The following ACAD9 variants were observed in gnomAD, a reference collection of about 807,000 sequenced individuals.
ACAD9 encodes the protein acyl-CoA dehydrogenase family member 9, also known as complex I assembly factor ACAD9, mitochondrial.
In ACAD9, 53 loss-of-function variants were observed where a neutral mutation model predicts 70.2. The ratio of observed to expected loss-of-function variants is 0.75; its 90% CI spans 0.61 to 0.95. The LOEUF (loss-of-function observed/expected upper bound fraction) is 0.95, where lower values mean the gene tolerates loss of function less well. Ranked by LOEUF, ACAD9 falls within the 40% of genes least tolerant of loss-of-function variation. The pLI is 0.00. For synonymous variants in ACAD9, 313 were observed against 312.1 expected, an observed-to-expected ratio of 1.00 and a Z score of -0.03; for missense variants, 777 against 802.8, an observed-to-expected ratio of 0.97 and a Z score of 0.39.
At chr3:128,908,445 G>C (rs1019224406) in intron 13 of ACAD9, 181 bp downstream of exon 13, 1 of 709,062 alleles carries the variant, frequency 1.4e-6, no homozygotes, top group African/African-American at 1.7e-5. Context: ...GGAAGCCCTC[G>C]CTGCCCTGCC....
At chr3:128,897,576 A>G in intron 5 of ACAD9, 56 bp from the exon 6 acceptor site, 1 of 1,540,008 alleles carries the variant, frequency 6.5e-7, no homozygotes, top group South Asian at 1.2e-5. Flanking sequence ...GGCCCTCAAA[A>G]GCATTCATAT....
At chr3:128,911,440 CTCTTT>C (rs900191821) in intron 17 of ACAD9, among the ~76,000 whole-genome samples, 69 of 152,028 alleles carry the variant, frequency 4.5e-4, no homozygotes, top group African/African-American at 1.6e-3. Context: ...TGGCTGTATT[CTCTTT>C]TTTTTGGAGA....
rs767620895 is a variant in ACAD9 at position 128,908,944 on chromosome 3, C to G, written c.1359-29C>G. On this transcript the variant is annotated intron_variant, in intron 13 of 17. Transcript: ENST00000308982. ...ACAGTGAGCGCCAGCAGCGAGGCCT[C>G]CAGTCACAGGACCATGGACTTTCTG... 32 of 1,613,980 alleles carry G rather than the reference C, an allele frequency of 2.0e-5. No individual in the cohort carries two copies. In the East Asian group the frequency reaches 6.7e-4, roughly 34 times the overall value.
rs961741606 is a variant in ACAD9, at chr3:128,902,858, T to C, written c.958+230T>C. On this transcript the variant is annotated intron_variant, in intron 9 of 17. Transcript: ENST00000308982. The surrounding 1 kb of genome is among the most constrained non-coding windows in gnomAD (Gnocchi z 4.0). ...TCACCTCCACCCGGGTGATGCTGAC[T>C]GGGGGACAGGCTTTCTGTCTGGGGT... Among the ~76,000 whole-genome samples, 1 of 151,904 alleles carries C rather than the reference T, an allele frequency of 6.6e-6. No homozygotes were observed. The highest frequency in any genetic ancestry group is 1.5e-5 in the Non-Finnish European group (1 of 67,958).
chr3:128,904,114 T>G lies in ACAD9; in HGVS notation c.1011T>G (p.Ser337Arg). The change falls in exon 10 of 18, where the codon AGT becomes AGG. Residue 337 changes from serine to arginine, a missense_variant. Coordinates refer to ENST00000308982, the MANE Select transcript of ACAD9 (RefSeq NM_014049.5). Reference sequence around the variant, plus strand: ...GGAAACAGTTTAACAAGAGGCTCAGTGAATTTGGATTGATTCAGGTACCAA... The same window carrying G: ...GGAAACAGTTTAACAAGAGGCTCAGGGAATTTGGATTGATTCAGGTACCAA... ...CTRKQFNKRL[S>R]EFGLIQEKFA... The G allele has an allele frequency of 1.2e-6, 2 of 1,614,230 alleles. No homozygotes were observed. Among genetic ancestry groups the G allele is most frequent in the Non-Finnish European group, 1.7e-6 (2 of 1,180,032 alleles).
chr3:128,902,707 C>G lies in ACAD9; in HGVS notation c.958+79C>G. 1 of 1,500,294 alleles carries G rather than the reference C, an allele frequency of 6.7e-7. No homozygotes were observed. The highest frequency in any genetic ancestry group is 9.2e-7 in the Non-Finnish European group (1 of 1,091,832). 92.9% of individuals were successfully genotyped at this position (1,500,294 alleles called of 1,614,324 possible). On this transcript the variant is annotated intron_variant, in intron 9 of 17. Transcript: ENST00000308982. The surrounding 1 kb of genome is among the most constrained non-coding windows in gnomAD (Gnocchi z 4.0). ...CCAACCCTGGAGGCTCTGCCATTCC[C>G]CCGGCCCCTTCCAGGCCAGTGCTGA...
At position 128,902,959 on chromosome 3, in the gene ACAD9, G is replaced by A. The variant is rs954304464; in HGVS notation, c.958+331G>A. 1.3e-5 allele frequency among the ~76,000 whole-genome samples: 2 copies of A among 152,190 alleles called. No homozygotes were observed. Among genetic ancestry groups the A allele is most frequent in the African/African-American group, 4.8e-5 (2 of 41,440 alleles). On this transcript the variant is annotated intron_variant, in intron 9 of 17. Coordinates refer to ENST00000308982, the MANE Select transcript of ACAD9 (RefSeq NM_014049.5). The surrounding 1 kb of genome is among the most constrained non-coding windows in gnomAD (Gnocchi z 4.0). ...CTGACCAGTAGGAGCAGAGCTGCTT[G>A]GTGAGCACACACCAAGAACCAGGCT...
Position 128,906,105 on chromosome 3 carries a change from G to A in ACAD9, c.1150-16G>A. On this transcript the variant is annotated splice_polypyrimidine_tract_variant and intron_variant, in intron 11 of 17. Transcript: ENST00000308982. Reference sequence around the variant, plus strand: ...AGGTCCTCCTTTTGGAAAGGATTCAGTGTGACACCCCACAGGTGTTCAGCT... The same window carrying A: ...AGGTCCTCCTTTTGGAAAGGATTCAATGTGACACCCCACAGGTGTTCAGCT... 6.2e-7 allele frequency: 1 copy of A among 1,614,136 alleles called. No homozygotes were observed. Among genetic ancestry groups the A allele is most frequent in the Non-Finnish European group, 8.5e-7 (1 of 1,180,040 alleles).
intron 12 of ACAD9, among the ~76,000 whole-genome samples, chr3:128,906,636 G>A (rs1277601579): frequency 3.9e-5 from 6 of 152,184 alleles, no homozygotes; most frequent in Non-Finnish European, 8.8e-5. Context: ...GAAAGAAAGG[G>A]CTTCAACCAG....
At chr3:128,908,519 C>T (rs1935979507) in intron 13 of ACAD9, 4 of 590,792 alleles carry the variant, frequency 6.8e-6, no homozygotes, top group Admixed American at 3.0e-5. Flanking sequence ...GTCCCTCACA[C>T]TAGAGGCAGC....
At chr3:128,910,215 G>GTTGA in intron 16 of ACAD9, 66 bp downstream of exon 16, 1 of 1,609,846 alleles carries the variant, frequency 6.2e-7, no homozygotes, top group Non-Finnish European at 8.5e-7. Context: ...CTTTAATGAA[G>GTTGA]TTGATTGTTG....
chr3:128,884,068 C>T (rs1020889256), intron 1 of ACAD9, among the ~76,000 whole-genome samples: 11 of 152,202 alleles, frequency 7.2e-5, no homozygotes, highest in Admixed American at 7.2e-4. Flanking sequence ...TGTCTGTGAG[C>T]AGGAGAGACA....
intron 9 of ACAD9, among the ~76,000 whole-genome samples, chr3:128,903,562 G>A (rs1935804699): frequency 6.6e-6 from 1 of 152,150 alleles, no homozygotes; most frequent in African/African-American, 2.4e-5. Context: ...GTCACTCTTG[G>A]GCCCTTAGAG....
At chr3:128,885,732 T>TTTTTTAACCA (rs1935225513) in intron 2 of ACAD9, among the ~76,000 whole-genome samples, 2 of 149,610 alleles carry the variant, frequency 1.3e-5, no homozygotes, top group Admixed American at 6.7e-5. Flanking sequence ...AAATATACTG[T>TTTTTTAACCA]GGGGCTGGGT....
rs1936089576 is a variant in ACAD9, at chr3:128,910,050, G to A, written c.1593G>A (p.Lys531=). The A allele has an allele frequency of 6.2e-7, 1 of 1,613,932 alleles. No homozygotes were observed. The highest frequency in any genetic ancestry group is 8.5e-7 in the Non-Finnish European group (1 of 1,179,990). ...KTIMEEQLVL[K]RVANILINLY... ...TCATGGAGGAGCAGCTGGTACTGAA[G>A]CGGGTGGCCAACATCCTCATCAACC... The change falls in exon 16 of 18, where the codon AAG becomes AAA. Residue 531 remains lysine (K), a synonymous_variant. Coordinates refer to ENST00000308982, the MANE Select transcript of ACAD9 (RefSeq NM_014049.5).
At chr3:128,896,397 T>C (rs776330544) in intron 4 of ACAD9, 39 bp from the exon 5 acceptor site, 1 of 1,585,872 alleles carries the variant, frequency 6.3e-7, no homozygotes, top group African/African-American at 1.3e-5. Context: ...CTCTCCTTTC[T>C]CCCCACAGCT....
chr3:128,905,399 C>G (rs1935859919), intron 11 of ACAD9, among the ~76,000 whole-genome samples: 1 of 152,180 alleles, frequency 6.6e-6, no homozygotes, highest in East Asian at 1.9e-4. Flanking sequence ...GGGGACCCTA[C>G]TTTGTGCCCC....
At chr3:128,895,273 G>C (rs1935537394) in intron 3 of ACAD9, 37 bp from the exon 4 acceptor site, 2 of 1,528,646 alleles carry the variant, frequency 1.3e-6, no homozygotes, top group Non-Finnish European at 1.8e-6. Context: ...AGGAATCTAG[G>C]GCTGGGCTGT....
At chr3:128,909,559 G>A in intron 15 of ACAD9, 138 bp downstream of exon 15, 1 of 957,472 alleles carries the variant, frequency 1.0e-6, no homozygotes. Context: ...ATGGGGTGGT[G>A]AGGTCAGGCT....
Sources: gnomAD v4.1 joint callset for allele counts (sites outside exome capture counted in the v4.1 genomes callset) on GRCh38, gnomAD v4.1.1 for gene constraint, Gnocchi (gnomAD v3.1) non-coding constraint, MANE v1.5 for transcripts, NCBI Gene and HGNC (gene_info 2026-07-23, HGNC 2026-07-21) for gene names.